KCNH7: variants seen among roughly 807,000 people sequenced by gnomAD.
The protein encoded by KCNH7 is potassium voltage-gated channel subfamily H member 7, also known as voltage-gated inwardly rectifying potassium channel KCNH7.
A neutral mutation model predicts 120.8 loss-of-function variants in KCNH7; 49 were observed. The ratio of observed to expected loss-of-function variants is 0.41; its 90% CI spans 0.32 to 0.51. The LOEUF (loss-of-function observed/expected upper bound fraction) is 0.51, where lower values mean the gene tolerates loss of function less well. Ranked by LOEUF, KCNH7 falls within the 20% of genes least tolerant of loss-of-function variation. KCNH7 has a pLI of 0.38. For missense variants in KCNH7, 1,097 were observed against 1,446.6 expected (o/e 0.76, Z 3.92); for synonymous variants, 547 against 516.1 (o/e 1.06, Z -0.81).
intron 14 of KCNH7, among the ~76,000 whole-genome samples, chr2:162,378,734 C>T (rs1014376269): frequency 6.6e-6 from 1 of 152,176 alleles, no homozygotes; most frequent in African/African-American, 2.4e-5. Context: ...TTGGTGATAT[C>T]AGTATCATCG....
At chr2:162,724,596 C>A (rs1363239075) in intron 2 of KCNH7, among the ~76,000 whole-genome samples, 1 of 147,894 alleles carries the variant, frequency 6.8e-6, no homozygotes, top group African/African-American at 2.6e-5. Flanking sequence ...GGCGTGAACC[C>A]GGGAGGCGGA....
intron 9 of KCNH7, among the ~76,000 whole-genome samples, chr2:162,416,480 A>T (rs944765601): frequency 6.6e-6 from 1 of 152,064 alleles, no homozygotes; most frequent in Non-Finnish European, 1.5e-5. Context: ...TAGCACTCAC[A>T]CCTTGCAATT....
chr2:162,708,917 T>C (rs548586498), intron 2 of KCNH7, among the ~76,000 whole-genome samples: 45 of 152,176 alleles, frequency 3.0e-4, no homozygotes, highest in African/African-American at 1.0e-3. Flanking sequence ...TACCAACACA[T>C]AGTAGAGAAG....
chr2:162,817,084 G>C (rs1573924611), intron 2 of KCNH7, among the ~76,000 whole-genome samples: 1 of 152,262 alleles, frequency 6.6e-6, no homozygotes, highest in South Asian at 2.1e-4. Context: ...TGGAGTGAAA[G>C]TTCACAGACA....
chr2:162,441,883 C>A (rs1358090895), intron 7 of KCNH7, among the ~76,000 whole-genome samples: 1 of 151,590 alleles, frequency 6.6e-6, no homozygotes, highest in African/African-American at 2.4e-5. Flanking sequence ...CATAGGCAAG[C>A]CCAGTTATTG....
chr2:162,569,230 A>T (rs1474143418), intron 2 of KCNH7, among the ~76,000 whole-genome samples: 1 of 151,890 alleles, frequency 6.6e-6, no homozygotes, highest in Non-Finnish European at 1.5e-5. Flanking sequence ...CTATTCAGAG[A>T]TTCAACTTCT....
chr2:162,820,267 G>C (rs904917584), intron 2 of KCNH7, among the ~76,000 whole-genome samples: 8 of 123,882 alleles, frequency 6.5e-5, no homozygotes, highest in Non-Finnish European at 1.4e-4. Context: ...AGTAGAGACG[G>C]GGTTTCACTG....
At chr2:162,838,357 C>G in intron 1 of KCNH7, 86 bp downstream of exon 1, 3 of 1,110,592 alleles carry the variant, frequency 2.7e-6, no homozygotes, top group African/African-American at 1.5e-5. Flanking sequence ...CTGGAGTTGC[C>G]GGTCTCCCCA....
chr2:162,389,500 T>G (rs898199657), intron 12 of KCNH7, among the ~76,000 whole-genome samples: 1 of 151,988 alleles, frequency 6.6e-6, no homozygotes, highest in African/African-American at 2.4e-5. Context: ...AGAAGGGATA[T>G]TTGGAAGAGT....
chr2:162,814,874 C>T (rs940031641), intron 2 of KCNH7, among the ~76,000 whole-genome samples: 1 of 152,052 alleles, frequency 6.6e-6, no homozygotes, highest in Admixed American at 6.6e-5. Context: ...TATTCCAAGC[C>T]TTCTACTAAG....
chr2:162,425,664 G>A (rs1403655976), intron 8 of KCNH7, among the ~76,000 whole-genome samples: 3 of 152,076 alleles, frequency 2.0e-5, no homozygotes, highest in Non-Finnish European at 4.4e-5. Context: ...CAAAATCAAT[G>A]CTGTTTGTTT....
At chr2:162,608,473 C>A (rs1006043910) in intron 2 of KCNH7, among the ~76,000 whole-genome samples, 2 of 152,144 alleles carry the variant, frequency 1.3e-5, no homozygotes, top group Admixed American at 6.5e-5. Flanking sequence ...AGTATAATTT[C>A]CTCTCCCTTC....
At chr2:162,740,403 C>T (rs1054563214) in intron 2 of KCNH7, among the ~76,000 whole-genome samples, 3 of 152,182 alleles carry the variant, frequency 2.0e-5, no homozygotes, top group Non-Finnish European at 4.4e-5. Flanking sequence ...CTTCCAGGCA[C>T]AACAGGCACT....
chr2:162,376,967 A>T (rs1686216861), intron 14 of KCNH7, among the ~76,000 whole-genome samples: 1 of 152,230 alleles, frequency 6.6e-6, no homozygotes, highest in Non-Finnish European at 1.5e-5. Flanking sequence ...ACCATTCAAG[A>T]TAGACCATTT....
intron 2 of KCNH7, among the ~76,000 whole-genome samples, chr2:162,560,631 C>A (rs898628301): frequency 6.6e-6 from 1 of 152,084 alleles, no homozygotes; most frequent in Non-Finnish European, 1.5e-5. Flanking sequence ...ATGAGTGATG[C>A]CAGTCAAGTA....
At chr2:162,736,467 T>A (rs1559107771) in intron 2 of KCNH7, among the ~76,000 whole-genome samples, 1 of 152,164 alleles carries the variant, frequency 6.6e-6, no homozygotes, top group Non-Finnish European at 1.5e-5. Flanking sequence ...GTGTTTTGTA[T>A]AAGAAATGAC....
intron 3 of KCNH7, among the ~76,000 whole-genome samples, chr2:162,522,081 C>T (rs1332867226): frequency 2.6e-5 from 4 of 151,814 alleles, no homozygotes; most frequent in Non-Finnish European, 5.9e-5. Flanking sequence ...AACAGTGCAT[C>T]GTGACAACTG....
chr2:162,737,056 C>CA (rs1227621372), intron 2 of KCNH7, among the ~76,000 whole-genome samples: 1 of 151,982 alleles, frequency 6.6e-6, no homozygotes, highest in Non-Finnish European at 1.5e-5. Context: ...AAGAAAATCT[C>CA]AAAAAAGACT....
At chr2:162,653,639 G>T (rs188921653) in intron 2 of KCNH7, among the ~76,000 whole-genome samples, 110 of 151,910 alleles carry the variant, frequency 7.2e-4, no homozygotes, top group Middle Eastern at 3.4e-3. Context: ...CACAGAAGTG[G>T]AAAAAAAATC....
Sources: gnomAD v4.1 joint callset for allele counts (sites outside exome capture counted in the v4.1 genomes callset) on GRCh38, gnomAD v4.1.1 for gene constraint, MANE v1.5 for transcripts, NCBI Gene and HGNC (gene_info 2026-07-23, HGNC 2026-07-21) for gene names.